The following FSTL4 variants were observed in gnomAD, a reference collection of about 807,000 sequenced individuals.
FSTL4 encodes follistatin like 4.
Under a neutral mutation model 78.2 loss-of-function variants are expected in FSTL4, and 28 were observed. The ratio of observed to expected loss-of-function variants is 0.36; its 90% confidence interval spans 0.27 to 0.49. The LOEUF (loss-of-function observed/expected upper bound fraction) is 0.49, where lower values mean the gene tolerates loss of function less well. Among genes scored for constraint, FSTL4 ranks in the 20% least tolerant of loss-of-function variants. The pLI, the probability that FSTL4 is intolerant of heterozygous loss-of-function variation, is 0.98. For missense variants in FSTL4, 922 were observed against 1,084.9 expected (o/e 0.85, Z 2.11); for synonymous variants, 422 against 440.5 (o/e 0.96, Z 0.53).
intron 6 of FSTL4, among the ~76,000 whole-genome samples, chr5:133,297,792 G>A (rs1753435774): frequency 6.6e-6 from 1 of 152,182 alleles, no homozygotes; most frequent in Non-Finnish European, 1.5e-5. Context: ...AGTCCCTCCT[G>A]GACTCTGCTG....
chr5:133,593,610 T>G (rs140951788), intron 2 of FSTL4, among the ~76,000 whole-genome samples: 2,245 of 152,260 alleles, frequency 0.015, 54 homozygotes, highest in African/African-American at 0.051. Flanking sequence ...ATCAGCCACA[T>G]GCACCTGGAC....
the FSTL4 span, among the ~76,000 whole-genome samples, chr5:133,756,014 T>G: frequency 6.6e-6 from 1 of 152,174 alleles, no homozygotes. Flanking sequence ...AGAAACAAAC[T>G]TCTTGCCTTC....
At chr5:133,328,805 C>T (rs1485867061) in intron 4 of FSTL4, among the ~76,000 whole-genome samples, 1 of 152,156 alleles carries the variant, frequency 6.6e-6, no homozygotes, top group African/African-American at 2.4e-5. Flanking sequence ...GGTGCCTTCT[C>T]CACCTCCTGT....
At chr5:133,656,666 T>A in the FSTL4 span, among the ~76,000 whole-genome samples, 1 of 152,154 alleles carries the variant, frequency 6.6e-6, no homozygotes, top group East Asian at 1.9e-4. Flanking sequence ...ATGAAGGCAG[T>A]GTGTTGAGAA....
At chr5:133,632,297 T>A in the FSTL4 span, among the ~76,000 whole-genome samples, 1 of 152,168 alleles carries the variant, frequency 6.6e-6, no homozygotes, top group African/African-American at 2.4e-5. Flanking sequence ...TCTACATACA[T>A]TTATAACCAC....
chr5:133,774,489 G>A, the FSTL4 span, among the ~76,000 whole-genome samples: 4 of 152,132 alleles, frequency 2.6e-5, no homozygotes, highest in Non-Finnish European at 5.9e-5. Flanking sequence ...AAAGTTAGTA[G>A]TGCTGAAGTT....
At chr5:133,301,236 C>T (rs895127640) in intron 6 of FSTL4, among the ~76,000 whole-genome samples, 1 of 152,178 alleles carries the variant, frequency 6.6e-6, no homozygotes, top group African/African-American at 2.4e-5. Flanking sequence ...CAGCCAGCAT[C>T]CTGCCAAAGT....
At chr5:133,400,668 C>A in intron 4 of FSTL4, 70 bp downstream of exon 4, 2 of 1,380,792 alleles carry the variant, frequency 1.4e-6, no homozygotes, top group South Asian at 1.2e-5. Context: ...GCACCCAGGT[C>A]ACTTGTCAAA....
chr5:133,536,328 T>C (rs1336937199), intron 3 of FSTL4, among the ~76,000 whole-genome samples: 1 of 152,210 alleles, frequency 6.6e-6, no homozygotes, highest in Non-Finnish European at 1.5e-5. Context: ...AAACCTACAG[T>C]ACATTCTATT....
the FSTL4 span, among the ~76,000 whole-genome samples, chr5:133,627,557 G>T: frequency 6.6e-6 from 1 of 152,122 alleles, no homozygotes; most frequent in Non-Finnish European, 1.5e-5. Flanking sequence ...TATATGATCT[G>T]CTGTTAATAT....
At chr5:133,696,563 G>A in the FSTL4 span, among the ~76,000 whole-genome samples, 3 of 152,194 alleles carry the variant, frequency 2.0e-5, no homozygotes, top group Non-Finnish European at 2.9e-5. Context: ...CTACCAAAAG[G>A]TCACCTCTGA....
At chr5:133,627,287 G>C in the FSTL4 span, among the ~76,000 whole-genome samples, 1 of 151,866 alleles carries the variant, frequency 6.6e-6, no homozygotes, top group Non-Finnish European at 1.5e-5. Context: ...CGTGGCTGAG[G>C]AGCAAGGCAC....
Position 133,199,814 on chromosome 5 carries a change from TGAG to T in FSTL4, c.1827-20_1827-18del. The T allele has an allele frequency of 6.8e-7, 1 of 1,462,768 alleles. No individual in the cohort carries two copies. The highest frequency in any genetic ancestry group is 2.5e-5 in the East Asian group (1 of 40,202). The allele number at this position is 1,462,768 out of a possible 1,614,324, so 90.6% of individuals were successfully genotyped here. On this transcript the variant is annotated intron_variant, in intron 15 of 15. Transcript: ENST00000265342. This position sits in a 1 kb window ranked among gnomAD's most constrained non-coding sequence, Gnocchi z 4.4. ...AAGCCAAACCTGGGAGGGGAAGAAC[TGAG>T]GTCAGAAGTTGCCTCCAGGGGTGGG...
At chr5:133,457,302 T>C (rs542940772) in intron 3 of FSTL4, among the ~76,000 whole-genome samples, 1 of 152,326 alleles carries the variant, frequency 6.6e-6, no homozygotes, top group Admixed American at 6.5e-5. Flanking sequence ...ACCTTTCCTT[T>C]GCTGGCTGCT....
intron 7 of FSTL4, chr5:133,243,980 G>C (rs867991719): frequency 3.3e-5 from 5 of 152,324 alleles, no homozygotes; most frequent in East Asian, 1.9e-4. Context: ...CGCTGTGCAG[G>C]CTGGGTGGTC....
At chr5:133,597,478 A>C (rs1330246860) in intron 2 of FSTL4, among the ~76,000 whole-genome samples, 2 of 152,228 alleles carry the variant, frequency 1.3e-5, no homozygotes, top group African/African-American at 4.8e-5. Flanking sequence ...AGTATAGATA[A>C]TTTAGCAACA....
chr5:133,694,028 T>G, the FSTL4 span, among the ~76,000 whole-genome samples: 1 of 152,248 alleles, frequency 6.6e-6, no homozygotes, highest in Non-Finnish European at 1.5e-5. Flanking sequence ...CTCTAGGTAT[T>G]ACTCAATCCA....
At chr5:133,470,762 A>AAAAT (rs1228590570) in intron 3 of FSTL4, among the ~76,000 whole-genome samples, 1 of 123,542 alleles carries the variant, frequency 8.1e-6, no homozygotes, top group African/African-American at 3.0e-5. Flanking sequence ...AAAATAAAAT[A>AAAAT]AAATAAAATA....
the FSTL4 span, among the ~76,000 whole-genome samples, chr5:133,725,134 A>C: frequency 6.6e-6 from 1 of 152,186 alleles, no homozygotes; most frequent in Non-Finnish European, 1.5e-5. Flanking sequence ...TAAGCCTTTC[A>C]ATCAGGTAGT....
Sources: allele counts gnomAD v4.1 joint callset (sites outside exome capture counted in the v4.1 genomes callset), GRCh38; gene constraint gnomAD v4.1.1; non-coding constraint Gnocchi (gnomAD v3.1); transcripts MANE v1.5; gene names NCBI Gene and HGNC (gene_info 2026-07-23, HGNC 2026-07-21).